HK2: variants seen among roughly 807,000 people sequenced by gnomAD.
HK2 encodes the protein hexokinase-2.
HK2 carries 42 observed loss-of-function variants against 92.9 expected under a neutral mutation model. The observed-to-expected ratio is 0.45, with a 90% confidence interval of 0.35 to 0.58. The LOEUF is 0.58. Ranked by LOEUF, HK2 falls within the 20% of genes least tolerant of loss-of-function variation. The probability of loss-of-function intolerance (pLI) is 0.00; values close to 1 mark genes in which losing one functional copy is unlikely to be tolerated. For missense variants in HK2, 978 were observed against 1,245.1 expected, an observed-to-expected ratio of 0.79 and a Z score of 3.23; for synonymous variants, 422 against 468.0, an observed-to-expected ratio of 0.90 and a Z score of 1.27.
At chr2:74,873,494 C>A in intron 5 of HK2, 123 bp downstream of exon 5, 1 of 681,632 alleles carries the variant, frequency 1.5e-6, no homozygotes, top group East Asian at 2.6e-5. Context: ...TCTCTTTTCC[C>A]TGACACATGT....
At chr2:74,858,155 A>C (rs568661243) in intron 2 of HK2, among the ~76,000 whole-genome samples, 1 of 152,376 alleles carries the variant, frequency 6.6e-6, no homozygotes, top group Non-Finnish European at 1.5e-5. Flanking sequence ...ATATGAAAGG[A>C]AATAAATTTG....
intron 1 of HK2, among the ~76,000 whole-genome samples, chr2:74,853,578 A>T (rs1371266360): frequency 6.6e-6 from 1 of 151,226 alleles, no homozygotes; most frequent in Non-Finnish European, 1.5e-5. Flanking sequence ...TTAGCCAGAC[A>T]TGGTGGCACG....
At chr2:74,887,867 C>A in intron 15 of HK2, 36 bp from the exon 16 acceptor site, 1 of 1,609,926 alleles carries the variant, frequency 6.2e-7, no homozygotes, top group South Asian at 1.1e-5. Context: ...CCTCCACCTT[C>A]CTACTTAACC....
In HK2 at chr2:74,878,829, C is replaced by A; in HGVS notation, c.1173C>A (p.Ala391=). The A allele has an allele frequency of 2.6e-6, 4 of 1,557,844 alleles. No homozygotes were observed. The highest frequency in any genetic ancestry group is 1.2e-5 in the South Asian group (1 of 84,652). Residue 391 remains alanine, a synonymous_variant, in exon 9 of 18, where the codon GCC becomes GCA. Transcript: ENST00000290573. ...CCAGCCTGTGCGCAGCCACCCTGGC[C>A]GCCGTGCTGCAGCGCATCAAGGAGA... ...RSASLCAATL[A]AVLQRIKENK... is the part of the protein sequence containing the mutation.
chr2:74,844,248 C>G (rs543086404), intron 1 of HK2, among the ~76,000 whole-genome samples: 1 of 152,344 alleles, frequency 6.6e-6, no homozygotes, highest in East Asian at 1.9e-4. Context: ...GGGACCAGCC[C>G]AAGCTCACAT....
At chr2:74,877,112 T>C in intron 7 of HK2, 54 bp from the exon 8 acceptor site, 1 of 1,610,196 alleles carries the variant, frequency 6.2e-7, no homozygotes, top group Non-Finnish European at 8.5e-7. Flanking sequence ...ACAGGGAAGC[T>C]ATGAGTACAT....
chr2:74,887,844 G>T, intron 15 of HK2, 59 bp from the exon 16 acceptor site: 2 of 1,569,846 alleles, frequency 1.3e-6, no homozygotes, highest in Non-Finnish European at 1.8e-6. Context: ...GGCCTGTCCT[G>T]TCTCAACACA....
At position 74,834,793 on chromosome 2, in the gene HK2, G is replaced by A. The variant is rs1331445064; in HGVS notation, c.63+150G>A. 5 of 831,892 alleles carry A rather than the reference G, an allele frequency of 6.0e-6. No homozygotes were observed. The East Asian group carries it at 1.3e-4, about 22-fold the overall frequency. The allele number at this position is 831,892 out of a possible 1,614,324, so 51.5% of individuals were successfully genotyped here. On this transcript the variant is annotated intron_variant, in intron 1 of 17. Coordinates refer to ENST00000290573, the MANE Select transcript of HK2 (RefSeq NM_000189.5). This position sits in a 1 kb window ranked among gnomAD's most constrained non-coding sequence, Gnocchi z 4.2. ...TTGGGCAGCCGGGACACTCCTGGGC[G>A]CCAGGAGCCACGTCCGCTAAGCACA... is the stretch of plus-strand genomic sequence containing the variant.
At chr2:74,885,885 C>CACACACACACACACACACACAA (rs58908262) in intron 13 of HK2, among the ~76,000 whole-genome samples, 4 of 148,540 alleles carry the variant, frequency 2.7e-5, no homozygotes, top group African/African-American at 1.0e-4. Flanking sequence ...CACACACACA[C>CACACACACACACACACACACAA]AGTAAAGGAA....
At position 74,880,395 on chromosome 2, in the gene HK2, C is replaced by T; in HGVS notation, c.1396C>T (p.Gln466Ter). The change falls in exon 10 of 18, where the codon CAA becomes TAA. Residue 466 changes from glutamine (Q) to a stop codon, truncating the protein, a stop_gained. Coordinates refer to ENST00000290573, the MANE Select transcript of HK2 (RefSeq NM_000189.5). LOFTEE classifies it high-confidence loss of function. ...AGCAGTGGCTTACCGGCTGGCCGATCAACACCGTGCCCGCCAGAAGACATT... is the reference window on the plus strand; with the variant it reads ...AGCAGTGGCTTACCGGCTGGCCGATTAACACCGTGCCCGCCAGAAGACATT... ...VTAVAYRLAD[Q>*]HRARQKTLEH... The T allele has an allele frequency of 6.2e-7, 1 of 1,614,172 alleles. No homozygotes were observed. The highest frequency in any genetic ancestry group is 8.5e-7 in the Non-Finnish European group (1 of 1,180,042).
intron 2 of HK2, among the ~76,000 whole-genome samples, chr2:74,861,744 G>A (rs768247880): frequency 6.6e-6 from 1 of 152,174 alleles, no homozygotes; most frequent in Non-Finnish European, 1.5e-5. Flanking sequence ...TCCTAAATAC[G>A]AGTTGGCTTT....
intron 7 of HK2, among the ~76,000 whole-genome samples, chr2:74,875,308 C>T (rs184836575): frequency 6.7e-5 from 10 of 149,232 alleles, no homozygotes; most frequent in East Asian, 5.9e-4. Context: ...GTGGGTAACC[C>T]AGGAGAGTCC....
chr2:74,873,746 A>C (rs769751627), intron 5 of HK2, 98 bp from the exon 6 acceptor site: 1 of 718,198 alleles, frequency 1.4e-6, no homozygotes, highest in Non-Finnish European at 2.5e-6. Flanking sequence ...AGAGAGAGAG[A>C]AGGAGGAGGA....
intron 4 of HK2, among the ~76,000 whole-genome samples, chr2:74,872,771 G>A (rs552081809): frequency 1.3e-5 from 2 of 152,326 alleles, no homozygotes; most frequent in South Asian, 4.1e-4. Context: ...GTACAGTCAT[G>A]TATTGCATAA....
intron 13 of HK2, 24 bp from the exon 14 acceptor site, chr2:74,886,270 G>T: frequency 1.3e-6 from 2 of 1,569,692 alleles, no homozygotes; most frequent in Non-Finnish European, 1.8e-6. Flanking sequence ...CCTGTGAACT[G>T]GGCATCTGCT....
chr2:74,850,197 A>C (rs1453095774), intron 1 of HK2, among the ~76,000 whole-genome samples: 1 of 152,178 alleles, frequency 6.6e-6, no homozygotes, highest in Non-Finnish European at 1.5e-5. Context: ...CCAGCCTTAG[A>C]GGTGTCATTT....
At chr2:74,858,037 C>A (rs1265479829) in intron 2 of HK2, among the ~76,000 whole-genome samples, 1 of 152,202 alleles carries the variant, frequency 6.6e-6, no homozygotes, top group African/African-American at 2.4e-5. Context: ...CTTTTCAAAC[C>A]TGAGAAACCA....
intron 13 of HK2, 114 bp downstream of exon 13, chr2:74,885,703 A>G (rs752229617): frequency 1.3e-6 from 1 of 780,900 alleles, no homozygotes; most frequent in Non-Finnish European, 2.3e-6. Flanking sequence ...TGGGAGGAAG[A>G]TTAACTCAAG....
At chr2:74,887,241 G>C (rs1689560959) in intron 15 of HK2, among the ~76,000 whole-genome samples, 1 of 152,202 alleles carries the variant, frequency 6.6e-6, no homozygotes, top group Admixed American at 6.5e-5. Context: ...GTCTAGAATA[G>C]AAGTTACAGA....
Sources: allele counts gnomAD v4.1 joint callset (sites outside exome capture counted in the v4.1 genomes callset), GRCh38; gene constraint gnomAD v4.1.1; non-coding constraint Gnocchi (gnomAD v3.1); transcripts MANE v1.5; gene names NCBI Gene and HGNC (gene_info 2026-07-23, HGNC 2026-07-21).